The following BAHCC1 variants were observed in gnomAD, a reference collection of about 807,000 sequenced individuals.
BAHCC1 encodes BAH domain and coiled-coil containing 1, also known as BAH and coiled-coil domain-containing protein 1.
Under a neutral mutation model 88.2 loss-of-function variants are expected in BAHCC1, and 43 were observed. The ratio of observed to expected loss-of-function variants is 0.49; its 90% CI spans 0.38 to 0.63. The LOEUF (loss-of-function observed/expected upper bound fraction) is 0.63, where lower values mean the gene tolerates loss of function less well. BAHCC1 is among the 20% of genes least tolerant of loss of function. The pLI, the probability that BAHCC1 is intolerant of heterozygous loss-of-function variation, is 0.00. For synonymous variants in BAHCC1, 1,510 were observed against 745.5 expected (o/e 2.03, Z -16.71); for missense variants, 3,023 against 1,654.8 (o/e 1.83, Z -14.34).
At chr17:81,436,432 G>A (rs2064337673) in intron 3 of BAHCC1, among the ~76,000 whole-genome samples, 1 of 152,238 alleles carries the variant, frequency 6.6e-6, no homozygotes, top group South Asian at 2.1e-4. Context: ...CCGGGGCTCC[G>A]TGCCTGGGAA....
chr17:81,405,103 A>C (rs2063862868), intron 2 of BAHCC1, among the ~76,000 whole-genome samples: 1 of 152,198 alleles, frequency 6.6e-6, no homozygotes. Context: ...TCTGTCTGCC[A>C]GGCTGGAGTG....
chr17:81,426,043 GC>G, intron 2 of BAHCC1, among the ~76,000 whole-genome samples: 1 of 150,618 alleles, frequency 6.6e-6, no homozygotes. Flanking sequence ...TGGTGATGTG[GC>G]TCGTGGTGGT....
intron 2 of BAHCC1, chr17:81,413,062 A>G: frequency 2.4e-6 from 1 of 414,474 alleles, no homozygotes; most frequent in Admixed American, 2.7e-5. Flanking sequence ...TCCCGCCCAC[A>G]CCAAGCGCCA....
At chr17:81,452,944 A>G in intron 14 of BAHCC1, 93 bp downstream of exon 14, 1 of 617,086 alleles carries the variant, frequency 1.6e-6, no homozygotes, top group East Asian at 3.2e-5. Flanking sequence ...TGAGGCTTCC[A>G]GGCTGCTGGT....
chr17:81,406,235 G>A lies in BAHCC1; in HGVS notation c.178+6318G>A, dbSNP rs954188149. 2.0e-5 allele frequency among the ~76,000 whole-genome samples: 3 copies of A among 152,174 alleles called. No homozygotes were observed. The East Asian group carries it at 5.8e-4, about 29-fold the overall frequency. On this transcript the variant is annotated intron_variant, in intron 2 of 27. Coordinates refer to ENST00000675386, the MANE Select transcript of BAHCC1 (RefSeq NM_001377448.1). ...GGAGGGTCCGAAACCCTTGGCTCCTGGACAGCCTCCTTGAGGGGAGATGGC... is the reference window on the plus strand; with the variant it reads ...GGAGGGTCCGAAACCCTTGGCTCCTAGACAGCCTCCTTGAGGGGAGATGGC...
intron 11 of BAHCC1, 109 bp from the exon 12 acceptor site, chr17:81,451,558 TC>T (rs2064634685): frequency 1.6e-6 from 1 of 624,170 alleles, no homozygotes; most frequent in Non-Finnish European, 2.9e-6. Flanking sequence ...CTGACCCTCA[TC>T]CCGGTCTTCA....
At chr17:81,459,760 G>C (rs2030078199) in intron 23 of BAHCC1, among the ~76,000 whole-genome samples, 156 bp downstream of exon 23, 1 of 132,424 alleles carries the variant, frequency 7.6e-6, no homozygotes, top group Non-Finnish European at 1.6e-5. Flanking sequence ...CAGGCGCCAT[G>C]AAAAAGCACA....
Position 81,411,262 on chromosome 17 carries a change from T to C in BAHCC1, c.178+11345T>C. On this transcript the variant is annotated intron_variant, in intron 2 of 27. Coordinates refer to ENST00000675386, the MANE Select transcript of BAHCC1 (RefSeq NM_001377448.1). The surrounding 1 kb of genome is among the most constrained non-coding windows in gnomAD (Gnocchi z 6.2). ...CCACCCCCAGTTGAGCAGCTCCCCT[T>C]CTCGGCAGCTCCCAAACCCTGACCC... 5 of 480,656 alleles carry C rather than the reference T, an allele frequency of 1.0e-5. No individual in the cohort carries two copies. The highest frequency in any genetic ancestry group is 7.4e-5 in the South Asian group (5 of 67,646). 29.8% of individuals were successfully genotyped at this position (480,656 alleles called of 1,614,324 possible).
rs371525826 is a variant in BAHCC1, at chr17:81,456,333, G to A, written c.4606G>A (p.Gly1536Arg). The change falls in exon 16 of 28, where the codon GGG becomes AGG. Residue 1536 changes from glycine (G) to arginine (R), a missense_variant. Transcript: ENST00000675386. ...AQCKKSSCQG[G>R]LAPSVAHRVA... Reference sequence around the variant, plus strand: ...GTGTAAGAAGAGCAGCTGTCAGGGCGGGCTGGCGCCCTCCGTGGCCCACAG... The same window carrying A: ...GTGTAAGAAGAGCAGCTGTCAGGGCAGGCTGGCGCCCTCCGTGGCCCACAG... 4.6e-5 allele frequency: 33 copies of A among 722,518 alleles called. No homozygotes were observed. Among genetic ancestry groups the A allele is most frequent in the Admixed American group, 3.0e-4 (15 of 50,740 alleles). 44.8% of individuals were successfully genotyped at this position (722,518 alleles called of 1,614,324 possible).
chr17:81,448,740 G>T (rs9901265), intron 11 of BAHCC1, among the ~76,000 whole-genome samples: 2 of 152,122 alleles, frequency 1.3e-5, no homozygotes, highest in Middle Eastern at 3.4e-3. Flanking sequence ...TGGCCCGCAC[G>T]CGGCAGGGGT....
chr17:81,436,897 C>T (rs892001878), intron 3 of BAHCC1, among the ~76,000 whole-genome samples: 6 of 150,990 alleles, frequency 4.0e-5, no homozygotes, highest in East Asian at 2.0e-4. Flanking sequence ...CCTGTGCTCA[C>T]GCCCTACACG....
rs34593866 is a variant in BAHCC1 at position 81,451,957 on chromosome 17, G to GC, written c.4180-6dup. On this transcript the variant is annotated splice_polypyrimidine_tract_variant and intron_variant, in intron 12 of 27. Coordinates refer to ENST00000675386, the MANE Select transcript of BAHCC1 (RefSeq NM_001377448.1). ...CCTGGCCCGGCTCACAGGCCCCTGT[G>GC]CCCCCCCCACCAGGTGTGCCCCCTG... is the stretch of plus-strand genomic sequence containing the variant. 0.24 allele frequency: 145,216 copies of GC among 614,380 alleles called. 17,908 individuals are homozygous for GC. The highest frequency in any genetic ancestry group is 0.34 in the East Asian group (11,851 of 35,204). The allele number at this position is 614,380 out of a possible 1,614,324, so 38.1% of individuals were successfully genotyped here.
intron 2 of BAHCC1, among the ~76,000 whole-genome samples, chr17:81,403,931 C>T (rs1272277861): frequency 6.6e-6 from 1 of 152,236 alleles, no homozygotes; most frequent in East Asian, 1.9e-4. Flanking sequence ...CTGATTATCC[C>T]GGTACGGAGC....
intron 15 of BAHCC1, 114 bp downstream of exon 15, chr17:81,455,504 C>T (rs76660454): frequency 7.0e-5 from 44 of 626,536 alleles, no homozygotes; most frequent in African/African-American, 6.9e-4. Flanking sequence ...CTCAGATGAG[C>T]GAAGCAAGGC....
chr17:81,423,589 C>G (rs1017173706), intron 2 of BAHCC1, among the ~76,000 whole-genome samples: 2 of 152,214 alleles, frequency 1.3e-5, no homozygotes, highest in African/African-American at 2.4e-5. Context: ...TGGAATGGTC[C>G]CAGGCCAGGC....
chr17:81,449,695 T>TCC (rs1394927424), intron 11 of BAHCC1, among the ~76,000 whole-genome samples: 1 of 127,116 alleles, frequency 7.9e-6, no homozygotes, highest in African/African-American at 3.0e-5. Flanking sequence ...CGGCCCTCTC[T>TCC]CCCCCTCCCA....
Position 81,424,275 on chromosome 17 carries a change from C to T in BAHCC1, c.179-2525C>T, listed in dbSNP as rs560950359. Among the ~76,000 whole-genome samples, 7 of 152,318 alleles carry T rather than the reference C, an allele frequency of 4.6e-5. No individual in the cohort carries two copies. The South Asian group carries it at 8.3e-4, about 18-fold the overall frequency. ...CTGGAGGGGCCGAGACTGTGGGGCC[C>T]GTGGAGCTGACACAGGGCCTATGGC... On this transcript the variant is annotated intron_variant, in intron 2 of 27. Coordinates refer to ENST00000675386, the MANE Select transcript of BAHCC1 (RefSeq NM_001377448.1).
chr17:81,458,813 G>T lies in BAHCC1; in HGVS notation c.5449G>T (p.Gly1817Cys). Residue 1817 changes from glycine to cysteine, a missense_variant and splice_region_variant, in exon 20 of 28, where the codon GGC (glycine) becomes TGC (cysteine). By Grantham distance (159) the Gly-to-Cys change is radical. Coordinates refer to ENST00000675386, the MANE Select transcript of BAHCC1 (RefSeq NM_001377448.1). ...CAAGCCTGACTCCTCTGGCCCCCAG[G>T]GCAAGGGCCGGGCCGTGAGCCGCCT... ...SKVKHKAGKQ[G>C]KGRAVSRLLE... The T allele has an allele frequency of 1.3e-6, 1 of 763,822 alleles. No individual in the cohort carries two copies. Among genetic ancestry groups the T allele is most frequent in the Non-Finnish European group, 2.5e-6 (1 of 406,846 alleles). 47.3% of individuals were successfully genotyped at this position (763,822 alleles called of 1,614,324 possible). A position where few individuals can be genotyped will look rare whatever the true frequency, so the allele number is the denominator to read the frequency against.
intron 2 of BAHCC1, among the ~76,000 whole-genome samples, chr17:81,400,346 C>T (rs1257273601): frequency 1.3e-5 from 2 of 152,078 alleles, no homozygotes; most frequent in Non-Finnish European, 2.9e-5. Context: ...GACCAGGGTA[C>T]GCCGCGGCCT....
Sources: allele counts gnomAD v4.1 joint callset (sites outside exome capture counted in the v4.1 genomes callset), GRCh38; gene constraint gnomAD v4.1.1; non-coding constraint Gnocchi (gnomAD v3.1); transcripts MANE v1.5; gene names NCBI Gene and HGNC (gene_info 2026-07-23, HGNC 2026-07-21).